Variants in FAF2 observed in about 807,000 individuals in gnomAD.
The protein encoded by FAF2 is Fas associated factor family member 2.
FAF2 carries 9 observed loss-of-function variants against 62.3 expected under a neutral mutation model. The observed-to-expected ratio is 0.14, with a 90% CI of 0.09 to 0.25. FAF2 has a LOEUF of 0.25. Among genes scored for constraint, FAF2 ranks in the 10% least tolerant of loss-of-function variants. The pLI, the probability that FAF2 is intolerant of heterozygous loss-of-function variation, is 1.00. For missense variants in FAF2, 368 were observed against 556.2 expected, an observed-to-expected ratio of 0.66 and a Z score of 3.40; for synonymous variants, 202 against 198.0, an observed-to-expected ratio of 1.02 and a Z score of -0.17.
At chr5:176,476,051 T>C (rs1348521957) in intron 1 of FAF2, among the ~76,000 whole-genome samples, 2 of 151,138 alleles carry the variant, frequency 1.3e-5, no homozygotes, top group African/African-American at 2.4e-5. Flanking sequence ...AGCCCAGGAG[T>C]TCAAGGCCAG....
intron 1 of FAF2, among the ~76,000 whole-genome samples, chr5:176,452,882 G>C (rs977222305): frequency 6.6e-6 from 1 of 152,178 alleles, no homozygotes; most frequent in African/African-American, 2.4e-5. Context: ...TATGTGTTTG[G>C]AATCTCCACA....
At chr5:176,483,152 G>A (rs1758811414) in intron 2 of FAF2, among the ~76,000 whole-genome samples, 1 of 152,076 alleles carries the variant, frequency 6.6e-6, no homozygotes, top group South Asian at 2.1e-4. Context: ...GAAGTCCTGG[G>A]CTCAAGAAGC....
intron 4 of FAF2, among the ~76,000 whole-genome samples, chr5:176,490,788 C>A (rs3756768): frequency 0.14 from 20,488 of 151,590 alleles, 1,748 homozygotes; most frequent in East Asian, 0.28. Flanking sequence ...TCTAAAAAAT[C>A]AAAAAAGCTG....
chr5:176,451,799 CAT>C (rs200877520), intron 1 of FAF2, among the ~76,000 whole-genome samples: 8,170 of 47,444 alleles, frequency 0.17, 1,032 homozygotes, highest in Middle Eastern at 0.21. Context: ...TATATATATA[CAT>C]ATATATATAC....
chr5:176,495,030 C>T (rs1339332163), intron 7 of FAF2, among the ~76,000 whole-genome samples: 1 of 151,968 alleles, frequency 6.6e-6, no homozygotes, highest in African/African-American at 2.4e-5. Context: ...TTAACAGAGC[C>T]CTTGCATAGT....
At chr5:176,483,230 T>C (rs191776961) in intron 2 of FAF2, among the ~76,000 whole-genome samples, 120 of 152,182 alleles carry the variant, frequency 7.9e-4, no homozygotes, top group African/African-American at 2.7e-3. Flanking sequence ...TTCATGATAG[T>C]GTAATTTGAT....
At chr5:176,485,414 T>G (rs1001771883) in intron 2 of FAF2, among the ~76,000 whole-genome samples, 5 of 152,210 alleles carry the variant, frequency 3.3e-5, no homozygotes, top group African/African-American at 1.2e-4. Flanking sequence ...CTAAGACTAC[T>G]GGGTGTTGCA....
intron 1 of FAF2, among the ~76,000 whole-genome samples, chr5:176,477,596 T>C (rs928570785): frequency 1.3e-5 from 2 of 152,208 alleles, no homozygotes; most frequent in African/African-American, 4.8e-5. Context: ...AAAGGAACTT[T>C]TCTATTTCAG....
At chr5:176,502,901 A>C (rs1298442894) in intron 10 of FAF2, among the ~76,000 whole-genome samples, 2 of 152,040 alleles carry the variant, frequency 1.3e-5, no homozygotes, top group Middle Eastern at 6.8e-3. Flanking sequence ...TACAAAAATT[A>C]GCTGGGTGTG....
chr5:176,451,044 C>T (rs1581465187), intron 1 of FAF2, among the ~76,000 whole-genome samples: 2 of 152,140 alleles, frequency 1.3e-5, no homozygotes, highest in South Asian at 2.1e-4. Context: ...TTATACCAAG[C>T]AGCAGTTGAT....
chr5:176,503,193 G>A (rs1456074050), intron 10 of FAF2, among the ~76,000 whole-genome samples: 1 of 152,180 alleles, frequency 6.6e-6, no homozygotes, highest in Non-Finnish European at 1.5e-5. Context: ...TGCTGGCCTG[G>A]AATTTAACAT....
At position 176,456,725 on chromosome 5, in the gene FAF2, C is replaced by T; in HGVS notation, c.63+8255C>T. Among the ~76,000 whole-genome samples, 2 of 152,074 alleles carry T rather than the reference C, an allele frequency of 1.3e-5. 1 individual carries two copies. The highest frequency in any genetic ancestry group is 2.9e-5 in the Non-Finnish European group (2 of 68,028). ...GATATATTTTGATCTGGAGGAACACCCCTGCCTCCACTCTGTTGCTCTTTT... is the reference window on the plus strand; with the variant it reads ...GATATATTTTGATCTGGAGGAACACTCCTGCCTCCACTCTGTTGCTCTTTT... On this transcript the variant is annotated intron_variant, in intron 1 of 10. Coordinates refer to ENST00000261942, the MANE Select transcript of FAF2 (RefSeq NM_014613.3).
chr5:176,506,624 A>G (rs1487083566), intron 10 of FAF2, 144 bp from the exon 11 acceptor site: 6 of 646,104 alleles, frequency 9.3e-6, no homozygotes, highest in Admixed American at 2.6e-5. Context: ...TTAGAATTCC[A>G]GTGTAATGTG....
chr5:176,460,511 C>T (rs1006204886), intron 1 of FAF2, among the ~76,000 whole-genome samples: 1 of 99,440 alleles, frequency 1.0e-5, no homozygotes, highest in African/African-American at 3.7e-5. Context: ...TATTTTTGGC[C>T]GCGTGTGTGT....
At chr5:176,454,359 C>A (rs1310357142) in intron 1 of FAF2, among the ~76,000 whole-genome samples, 3 of 151,912 alleles carry the variant, frequency 2.0e-5, no homozygotes, top group Non-Finnish European at 1.5e-5. Flanking sequence ...TGCCACTGCA[C>A]TCCAAGCCTG....
At chr5:176,490,968 C>T (rs1487669114) in intron 4 of FAF2, among the ~76,000 whole-genome samples, 1 of 152,154 alleles carries the variant, frequency 6.6e-6, no homozygotes, top group Non-Finnish European at 1.5e-5. Flanking sequence ...ACATTTTGTG[C>T]TTTTAATTCG....
At chr5:176,499,179 C>A in intron 9 of FAF2, 94 bp downstream of exon 9, 1 of 1,145,406 alleles carries the variant, frequency 8.7e-7, no homozygotes, top group Non-Finnish European at 1.2e-6. Context: ...TGATAGCCAC[C>A]TTAAACAGAC....
chr5:176,486,886 A>G (rs1048205146), intron 3 of FAF2, among the ~76,000 whole-genome samples: 6 of 152,340 alleles, frequency 3.9e-5, no homozygotes, highest in Non-Finnish European at 7.3e-5. Flanking sequence ...AATTTGACAG[A>G]CATTTAAGAG....
At chr5:176,468,526 G>A (rs150898828) in intron 1 of FAF2, among the ~76,000 whole-genome samples, 143 of 152,320 alleles carry the variant, frequency 9.4e-4, no homozygotes, top group African/African-American at 2.9e-3. Context: ...GCAGCTTGCA[G>A]TGAGCCGAGA....
Sources: allele counts gnomAD v4.1 joint callset (sites outside exome capture counted in the v4.1 genomes callset), GRCh38; gene constraint gnomAD v4.1.1; transcripts MANE v1.5; gene names NCBI Gene and HGNC (gene_info 2026-07-23, HGNC 2026-07-21).